SLC35F1: variants seen among roughly 807,000 people sequenced by gnomAD.
The protein encoded by SLC35F1 is solute carrier family 35 member F1, also known as chromosome 6 open reading frame 169.
SLC35F1 carries 14 observed loss-of-function variants against 48.7 expected under a neutral mutation model. The observed-to-expected ratio is 0.29, with a 90% CI of 0.19 to 0.45. SLC35F1 has a LOEUF of 0.45. Among genes scored for constraint, SLC35F1 ranks in the 20% least tolerant of loss-of-function variants. The pLI, the probability that SLC35F1 is intolerant of heterozygous loss-of-function variation, is 1.00. For missense variants in SLC35F1, 404 were observed against 500.0 expected, an observed-to-expected ratio of 0.81 and a Z score of 1.83; for synonymous variants, 190 against 202.2, an observed-to-expected ratio of 0.94 and a Z score of 0.51.
chr6:118,277,005 A>G (rs1197728130), intron 5 of SLC35F1, among the ~76,000 whole-genome samples: 1 of 152,214 alleles, frequency 6.6e-6, no homozygotes, highest in African/African-American at 2.4e-5. Flanking sequence ...ATGCACATCC[A>G]TGGATCTCAC....
intron 1 of SLC35F1, among the ~76,000 whole-genome samples, chr6:118,102,945 T>C (rs191599366): frequency 6.6e-6 from 1 of 152,274 alleles, no homozygotes; most frequent in East Asian, 1.9e-4. Flanking sequence ...TGTTTTGTGC[T>C]TAATAGTCTG....
intron 1 of SLC35F1, among the ~76,000 whole-genome samples, chr6:118,140,311 A>G (rs994192815): frequency 1.3e-5 from 2 of 152,242 alleles, no homozygotes; most frequent in African/African-American, 4.8e-5. Flanking sequence ...TGGACGGCAC[A>G]TATAACAGTG....
intron 1 of SLC35F1, among the ~76,000 whole-genome samples, chr6:118,053,984 G>A (rs1772427296): frequency 6.6e-6 from 1 of 152,192 alleles, no homozygotes; most frequent in Non-Finnish European, 1.5e-5. Flanking sequence ...GAAATTTTCC[G>A]TTATTTTTTC....
At chr6:118,071,262 A>G (rs1024747035) in intron 1 of SLC35F1, among the ~76,000 whole-genome samples, 2 of 150,514 alleles carry the variant, frequency 1.3e-5, no homozygotes, top group African/African-American at 2.4e-5. Context: ...CAGTATTGCT[A>G]TATTGTTCAC....
At chr6:118,206,329 A>G (rs2114542456) in intron 2 of SLC35F1, among the ~76,000 whole-genome samples, 1 of 152,288 alleles carries the variant, frequency 6.6e-6, no homozygotes, top group South Asian at 2.1e-4. Context: ...ATCTTTAGAA[A>G]AATTGTTCAC....
intron 3 of SLC35F1, among the ~76,000 whole-genome samples, chr6:118,248,765 A>C (rs1174759014): frequency 6.6e-6 from 1 of 152,250 alleles, no homozygotes; most frequent in African/African-American, 2.4e-5. Context: ...TTACAGCAGC[A>C]ATGGAAAACT....
chr6:118,306,653 T>G (rs1280700699), intron 7 of SLC35F1, among the ~76,000 whole-genome samples: 1 of 152,230 alleles, frequency 6.6e-6, no homozygotes, highest in Non-Finnish European at 1.5e-5. Flanking sequence ...GAATGGCCTT[T>G]GTTGTAACTG....
chr6:117,921,509 T>C (rs916813845), intron 1 of SLC35F1, among the ~76,000 whole-genome samples: 1 of 152,242 alleles, frequency 6.6e-6, no homozygotes, highest in African/African-American at 2.4e-5. Context: ...ATTCTTCTAT[T>C]TTATATAAAA....
At chr6:118,016,206 A>G (rs1777318694) in intron 1 of SLC35F1, among the ~76,000 whole-genome samples, 1 of 152,060 alleles carries the variant, frequency 6.6e-6, no homozygotes, top group Non-Finnish European at 1.5e-5. Context: ...ATTTTATAGG[A>G]GTTCTTCTCT....
At chr6:117,917,693 G>A (rs780623189) in intron 1 of SLC35F1, among the ~76,000 whole-genome samples, 1 of 144,554 alleles carries the variant, frequency 6.9e-6, no homozygotes, top group Non-Finnish European at 1.6e-5. Flanking sequence ...GGCAAGTAAA[G>A]TTAGAGATGT....
chr6:118,287,953 T>C (rs1776070664), intron 7 of SLC35F1, among the ~76,000 whole-genome samples: 1 of 152,022 alleles, frequency 6.6e-6, no homozygotes, highest in Non-Finnish European at 1.5e-5. Flanking sequence ...ATTAAATTAC[T>C]GTATTCACTA....
intron 1 of SLC35F1, among the ~76,000 whole-genome samples, chr6:118,010,132 A>G (rs1303157216): frequency 6.6e-6 from 1 of 152,222 alleles, no homozygotes; most frequent in Non-Finnish European, 1.5e-5. Context: ...TTGATAGCAC[A>G]TAGAGGAACT....
At chr6:118,202,411 T>C (rs2114537171) in intron 2 of SLC35F1, among the ~76,000 whole-genome samples, 1 of 152,242 alleles carries the variant, frequency 6.6e-6, no homozygotes, top group South Asian at 2.1e-4. Context: ...GCAGGAGGAT[T>C]GCTTGAACCC....
At chr6:118,312,681 G>A (rs1007341840) in intron 7 of SLC35F1, among the ~76,000 whole-genome samples, 6 of 152,114 alleles carry the variant, frequency 3.9e-5, no homozygotes, top group Non-Finnish European at 5.9e-5. Flanking sequence ...AGAAAAAAAC[G>A]CTGTAGCAGG....
intron 1 of SLC35F1, among the ~76,000 whole-genome samples, chr6:117,991,723 G>A (rs1776921658): frequency 6.6e-6 from 1 of 152,052 alleles, no homozygotes; most frequent in Non-Finnish European, 1.5e-5. Flanking sequence ...TCTGTCTCTT[G>A]GTACCTTTGA....
chr6:117,938,259 CAT>C (rs1250042190), intron 1 of SLC35F1, among the ~76,000 whole-genome samples: 1 of 152,082 alleles, frequency 6.6e-6, no homozygotes, highest in Non-Finnish European at 1.5e-5. Flanking sequence ...AGAAATGTAA[CAT>C]ATAAGTAAAT....
Position 118,123,528 on chromosome 6 carries a change from G to T in SLC35F1, c.174-30917G>T, listed in dbSNP as rs908006370. Among the ~76,000 whole-genome samples the T allele has an allele frequency of 2.0e-5, 3 of 152,084 alleles. No homozygotes were observed. In the East Asian group the frequency reaches 5.8e-4, roughly 29 times the overall value. On this transcript the variant is annotated intron_variant, in intron 1 of 7. Coordinates refer to ENST00000360388, the MANE Select transcript of SLC35F1 (RefSeq NM_001029858.4). ...AGAAATTGCCTATGTGCACTTTAAAGAGGTGACTTCTTTCTTTGCCTTTTG... is the reference window on the plus strand; with the variant it reads ...AGAAATTGCCTATGTGCACTTTAAATAGGTGACTTCTTTCTTTGCCTTTTG...
intron 5 of SLC35F1, 73 bp from the exon 6 acceptor site, chr6:118,277,421 G>A: frequency 1.5e-6 from 2 of 1,329,804 alleles, no homozygotes; most frequent in Admixed American, 1.7e-5. Flanking sequence ...ATAAGTGGGG[G>A]GGAAAAAAGA....
chr6:118,314,020 T>G lies in SLC35F1; in HGVS notation c.1003-8T>G, dbSNP rs769101380. 141 of 1,613,972 alleles carry G rather than the reference T, an allele frequency of 8.7e-5. No individual in the cohort carries two copies. The highest frequency in any genetic ancestry group is 1.2e-4 in the Non-Finnish European group (140 of 1,179,928). On this transcript the variant is annotated splice_polypyrimidine_tract_variant and splice_region_variant and intron_variant, in intron 7 of 7. Coordinates refer to ENST00000360388, the MANE Select transcript of SLC35F1 (RefSeq NM_001029858.4). Reference sequence around the variant, plus strand: ...CTGTCAAATGACTTTACTGTTGTGTTTTTTTAGTTTTCAGGACTTTATCTC... The same window carrying G: ...CTGTCAAATGACTTTACTGTTGTGTGTTTTTAGTTTTCAGGACTTTATCTC...
Sources: gnomAD v4.1 joint callset for allele counts (sites outside exome capture counted in the v4.1 genomes callset) on GRCh38, gnomAD v4.1.1 for gene constraint, MANE v1.5 for transcripts, NCBI Gene and HGNC (gene_info 2026-07-23, HGNC 2026-07-21) for gene names.